NMT2: variants seen among roughly 807,000 people sequenced by gnomAD.
NMT2 encodes glycylpeptide N-tetradecanoyltransferase 2.
In NMT2, 35 loss-of-function variants were observed where a neutral mutation model predicts 65.4. The observed-to-expected ratio is 0.54, with a 90% CI of 0.41 to 0.71. NMT2 has a LOEUF of 0.71. Ranked by LOEUF, NMT2 falls within the 30% of genes least tolerant of loss-of-function variation. NMT2 has a pLI of 0.00. For synonymous variants in NMT2, 226 were observed against 231.8 expected (o/e 0.98, Z 0.23); for missense variants, 489 against 611.3 (o/e 0.80, Z 2.11).
At position 15,116,067 on chromosome 10, in the gene NMT2, CAATT is replaced by C. The variant is rs113604700; in HGVS notation, c.1171-3108_1171-3105del. Among the ~76,000 whole-genome samples the C allele has an allele frequency of 1.5e-3, 224 of 152,288 alleles. 1 individual carries two copies. Among genetic ancestry groups the C allele is most frequent in the African/African-American group, 5.1e-3 (214 of 41,560 alleles). ...ATGGAAACAGAAGAGCTGAATAACT[CAATT>C]AATCAACATGATGCAATTGCCATAC... is the stretch of plus-strand genomic sequence containing the variant. On this transcript the variant is annotated intron_variant, in intron 9 of 11. Transcript: ENST00000378165.
chr10:15,132,869 T>C lies in NMT2; in HGVS notation c.667A>G (p.Lys223Glu). Residue 223 changes from lysine (K) to glutamate (E), a missense_variant, in exon 6 of 12, where the codon AAA becomes GAA. Transcript: ENST00000378165. ...HCGVRVSSNK[K>E]LVGFISAIPA... The stretch of plus-strand genomic sequence containing the variant: ...ATGGCACTTATGAACCCGACCAGTT[T>C]TTTATTTGAAGACACTCTGACCCCA... 6.2e-7 allele frequency: 1 copy of C among 1,614,076 alleles called. No homozygotes were observed. The highest frequency in any genetic ancestry group is 8.5e-7 in the Non-Finnish European group (1 of 1,179,956).
At chr10:15,141,008 TCTG>T in intron 2 of NMT2, 1 of 1,550,980 alleles carries the variant, frequency 6.4e-7, no homozygotes, top group Non-Finnish European at 8.7e-7. Context: ...CCCGCTGAAA[TCTG>T]CTGCCAGATG....
At chr10:15,110,023 G>T (rs1845453752) in intron 10 of NMT2, among the ~76,000 whole-genome samples, 184 bp from the exon 11 acceptor site, 1 of 152,178 alleles carries the variant, frequency 6.6e-6, no homozygotes, top group African/African-American at 2.4e-5. Context: ...TATAATCCCA[G>T]CACTTTGGTA....
At chr10:15,114,585 G>T (rs955544151) in intron 9 of NMT2, among the ~76,000 whole-genome samples, 4 of 152,192 alleles carry the variant, frequency 2.6e-5, no homozygotes, top group African/African-American at 9.7e-5. Context: ...CTGTTCCAGA[G>T]AAAAGAGAGG....
chr10:15,140,884 G>A, intron 2 of NMT2: 1 of 1,093,056 alleles, frequency 9.1e-7, no homozygotes, highest in Non-Finnish European at 1.4e-6. Context: ...CTTCTGGTTT[G>A]GTTTAAACTA....
intron 2 of NMT2, 199 bp downstream of exon 2, chr10:15,141,223 A>C (rs1240138013): frequency 6.3e-6 from 5 of 799,554 alleles, no homozygotes; most frequent in Non-Finnish European, 9.9e-6. Flanking sequence ...CACACACACA[A>C]AAGCACAGTG....
At chr10:15,131,311 C>A (rs2131542602) in intron 6 of NMT2, among the ~76,000 whole-genome samples, 1 of 151,174 alleles carries the variant, frequency 6.6e-6, no homozygotes, top group Non-Finnish European at 1.5e-5. Context: ...ACGTTTCTTT[C>A]CTTTTTTTTT....
At chr10:15,142,191 A>G (rs1846797729) in intron 1 of NMT2, among the ~76,000 whole-genome samples, 2 of 152,228 alleles carry the variant, frequency 1.3e-5, no homozygotes, top group South Asian at 4.1e-4. Flanking sequence ...GAACTTTTCC[A>G]TTTAAAATGG....
chr10:15,145,141 A>T (rs1426384831), intron 1 of NMT2, among the ~76,000 whole-genome samples: 2 of 152,214 alleles, frequency 1.3e-5, no homozygotes, highest in African/African-American at 2.4e-5. Context: ...AGTGAAAGAC[A>T]CTAGTTGCCA....
At chr10:15,159,908 A>G (rs1271244686) in intron 1 of NMT2, among the ~76,000 whole-genome samples, 1 of 152,198 alleles carries the variant, frequency 6.6e-6, no homozygotes, top group East Asian at 1.9e-4. Context: ...GGTGAGAGCA[A>G]CTGGGAAAGA....
At chr10:15,166,627 A>C (rs1163698588) in intron 1 of NMT2, among the ~76,000 whole-genome samples, 1 of 152,196 alleles carries the variant, frequency 6.6e-6, no homozygotes, top group Non-Finnish European at 1.5e-5. Flanking sequence ...TACATCCATT[A>C]TGTTAATCTT....
chr10:15,139,077 G>A (rs1175376651), intron 2 of NMT2, among the ~76,000 whole-genome samples: 4 of 152,080 alleles, frequency 2.6e-5, no homozygotes, highest in Non-Finnish European at 5.9e-5. Flanking sequence ...AAGAGAGACT[G>A]GCCTAGCCTC....
chr10:15,120,910 C>T (rs1845907728), intron 8 of NMT2, among the ~76,000 whole-genome samples: 1 of 152,076 alleles, frequency 6.6e-6, no homozygotes, highest in African/African-American at 2.4e-5. Flanking sequence ...GGGTAGGTGT[C>T]TTATCACTAC....
At chr10:15,156,490 C>T (rs766263209) in intron 1 of NMT2, among the ~76,000 whole-genome samples, 3 of 152,068 alleles carry the variant, frequency 2.0e-5, no homozygotes, top group South Asian at 2.1e-4. Flanking sequence ...TAATACGGGG[C>T]GGAGGCTACC....
intron 2 of NMT2, among the ~76,000 whole-genome samples, chr10:15,138,917 T>G (rs1400063689): frequency 6.6e-6 from 1 of 152,172 alleles, no homozygotes; most frequent in Non-Finnish European, 1.5e-5. Flanking sequence ...TACAAAGTAT[T>G]GGTCCTGGGT....
chr10:15,136,595 C>T (rs544844402), intron 2 of NMT2, among the ~76,000 whole-genome samples: 8 of 152,240 alleles, frequency 5.3e-5, no homozygotes, highest in African/African-American at 1.9e-4. Flanking sequence ...CTCCCGGCCA[C>T]ACCCTGCCCT....
intron 1 of NMT2, among the ~76,000 whole-genome samples, chr10:15,147,875 A>G (rs1255753204): frequency 6.6e-6 from 1 of 152,258 alleles, no homozygotes; most frequent in African/African-American, 2.4e-5. Context: ...ACAAACCATA[A>G]GAGATAATAA....
chr10:15,147,993 C>T (rs1226043107), intron 1 of NMT2, among the ~76,000 whole-genome samples: 1 of 152,112 alleles, frequency 6.6e-6, no homozygotes, highest in Non-Finnish European at 1.5e-5. Context: ...AAAGTATTAC[C>T]AGCCAGAATA....
chr10:15,112,277 G>C (rs1845586936), intron 10 of NMT2, among the ~76,000 whole-genome samples: 1 of 114,906 alleles, frequency 8.7e-6, no homozygotes. Context: ...ACCCAGGCTG[G>C]AGTGCAGTGG....
Sources: gnomAD v4.1 joint callset for allele counts (sites outside exome capture counted in the v4.1 genomes callset) on GRCh38, gnomAD v4.1.1 for gene constraint, MANE v1.5 for transcripts, NCBI Gene and HGNC (gene_info 2026-07-23, HGNC 2026-07-21) for gene names.